Variants in RIT1 observed in about 807,000 individuals in gnomAD.
RIT1 encodes the protein Ras like without CAAX 1.
In RIT1, 6 loss-of-function variants were observed where a neutral mutation model predicts 25.6. That is an observed-to-expected ratio of 0.23 (90% confidence interval 0.13 to 0.46). The LOEUF is 0.46. Ranked by LOEUF, RIT1 falls within the 20% of genes least tolerant of loss-of-function variation. The probability of loss-of-function intolerance (pLI) is 0.99; values close to 1 mark genes in which losing one functional copy is unlikely to be tolerated. For missense variants in RIT1, 219 were observed against 284.4 expected (o/e 0.77, Z 1.65); for synonymous variants, 81 against 94.1 (o/e 0.86, Z 0.80).
intron 3 of RIT1, among the ~76,000 whole-genome samples, chr1:155,908,351 A>T (rs1379519776): frequency 1.3e-4 from 19 of 151,228 alleles, no homozygotes; most frequent in East Asian, 1.0e-3. Flanking sequence ...GCTACTCAGG[A>T]GGCTGAGGCA....
intron 5 of RIT1, among the ~76,000 whole-genome samples, chr1:155,902,159 C>T (rs190977688): frequency 9.2e-5 from 14 of 152,096 alleles, no homozygotes; most frequent in Non-Finnish European, 1.8e-4. Context: ...TGTAGATTCT[C>T]GTTCTATATC....
At chr1:155,906,228 A>G (rs775552431) in intron 3 of RIT1, among the ~76,000 whole-genome samples, 1 of 152,200 alleles carries the variant, frequency 6.6e-6, no homozygotes, top group Non-Finnish European at 1.5e-5. Context: ...GAAAATATAG[A>G]AAACTAAAAA....
At position 155,898,929 on chromosome 1, in the gene RIT1, T is replaced by C. The variant is rs1456556925; in HGVS notation, c.*1459A>G. 4.7e-6 allele frequency: 1 copy of C among 211,126 alleles called. No individual in the cohort carries two copies. The highest frequency in any genetic ancestry group is 9.6e-6 in the Non-Finnish European group (1 of 104,174). 13.1% of individuals were successfully genotyped at this position (211,126 alleles called of 1,614,324 possible). A position where few individuals can be genotyped will look rare whatever the true frequency, so the allele number is the denominator to read the frequency against. On this transcript the variant is annotated 3_prime_UTR_variant, in exon 6 of 6. Transcript: ENST00000368323. ...TCTGTCCTACTTCCTCTAATAAAAA[T>C]GGAAAATATTAAGATGAGCTGTGTG...
chr1:155,900,123 A>G lies in RIT1; in HGVS notation c.*265T>C, dbSNP rs1673281463. The G allele has an allele frequency of 4.6e-6, 2 of 433,164 alleles. No homozygotes were observed. The highest frequency in any genetic ancestry group is 8.1e-5 in the Admixed American group (2 of 24,624). The allele number at this position is 433,164 out of a possible 1,614,324, so 26.8% of individuals were successfully genotyped here. ...TTCTCCTGGGTATAAACAAATTTAC[A>G]TTAATTAATAGCGCAACAGAACCCA... On this transcript the variant is annotated 3_prime_UTR_variant, in exon 6 of 6. Transcript: ENST00000368323.
At chr1:155,910,963 A>T (rs371562683) in intron 1 of RIT1, 159 bp from the exon 2 acceptor site, 10 of 1,431,086 alleles carry the variant, frequency 7.0e-6, no homozygotes, top group Non-Finnish European at 8.4e-6. Context: ...GCCCTAAGAA[A>T]CCCCCCCATC....
chr1:155,899,587 T>C lies in RIT1; in HGVS notation c.*801A>G, dbSNP rs978797043. 1.8e-5 allele frequency: 4 copies of C among 225,990 alleles called. No individual in the cohort carries two copies. The Admixed American group carries it at 2.3e-4, about 13-fold the overall frequency. 14.0% of individuals were successfully genotyped at this position (225,990 alleles called of 1,614,324 possible). On this transcript the variant is annotated 3_prime_UTR_variant, in exon 6 of 6. Transcript: ENST00000368323. ...GCAATGGCTGATCCAACTATGAATT[T>C]TGATTAAACACGTTTAGTAATACAG...
At chr1:155,902,178 G>C (rs1673325053) in intron 5 of RIT1, among the ~76,000 whole-genome samples, 1 of 152,020 alleles carries the variant, frequency 6.6e-6, no homozygotes, top group South Asian at 2.1e-4. Flanking sequence ...TCTCATCACA[G>C]TGCCAGCCCT....
At chr1:155,902,735 G>A (rs1673337707) in intron 5 of RIT1, among the ~76,000 whole-genome samples, 2 of 151,482 alleles carry the variant, frequency 1.3e-5, no homozygotes, top group South Asian at 4.2e-4. Context: ...TAGCTACTCA[G>A]GAGGCTGAGG....
rs1173753277 is a variant in RIT1, at chr1:155,898,883, G to A, written c.*1505C>T. 5.0e-6 allele frequency: 1 copy of A among 199,728 alleles called. No individual in the cohort carries two copies. Among genetic ancestry groups the A allele is most frequent in the African/African-American group, 2.3e-5 (1 of 43,536 alleles). The allele number at this position is 199,728 out of a possible 1,614,324, so 12.4% of individuals were successfully genotyped here. ...TTTTAAAAAAGCTAGTTTATCATTT[G>A]TTTATAAAGAAAAACACAACTCTGT... On this transcript the variant is annotated 3_prime_UTR_variant, in exon 6 of 6. Coordinates refer to ENST00000368323, the MANE Select transcript of RIT1 (RefSeq NM_006912.6).
Position 155,902,285 on chromosome 1 carries a change from C to T in RIT1, c.430-1667G>A, listed in dbSNP as rs1673327116. ...GTATTTGTTACCAAAAGTGGTTCTACAAATGCTACTGAAAAAAATCTGGAA... is the reference window on the plus strand; with the variant it reads ...GTATTTGTTACCAAAAGTGGTTCTATAAATGCTACTGAAAAAAATCTGGAA... On this transcript the variant is annotated intron_variant, in intron 5 of 5. Coordinates refer to ENST00000368323, the MANE Select transcript of RIT1 (RefSeq NM_006912.6). Among the ~76,000 whole-genome samples, 12 of 148,010 alleles carry T rather than the reference C, an allele frequency of 8.1e-5. No homozygotes were observed. In the Admixed American group the frequency reaches 8.1e-4, roughly 10 times the overall value.
At position 155,904,737 on chromosome 1, in the gene RIT1, A is replaced by G. The variant is rs144170253; in HGVS notation, c.231T>C (p.Ala77=). 6 of 1,609,568 alleles carry G rather than the reference A, an allele frequency of 3.7e-6. No homozygotes were observed. The highest frequency in any genetic ancestry group is 1.6e-4 in the Middle Eastern group (1 of 6,080). Residue 77 remains alanine (A), a synonymous_variant, in exon 4 of 6, where the codon GCT becomes GCC. Coordinates refer to ENST00000368323, the MANE Select transcript of RIT1 (RefSeq NM_006912.6). ...EPANLDILDT[A]GQAEFTAMRD... is the part of the protein sequence containing the mutation. ...ACATTCTGGGATTTAATACCTGTCC[A>G]GCTGTATCCAAAATGTCCAGATTGG...
chr1:155,899,314 C>T lies in RIT1; in HGVS notation c.*1074G>A, dbSNP rs1673258480. On this transcript the variant is annotated 3_prime_UTR_variant, in exon 6 of 6. Coordinates refer to ENST00000368323, the MANE Select transcript of RIT1 (RefSeq NM_006912.6). Reference sequence around the variant, plus strand: ...GTGAATTTTAAAGCTTTAAGACTGACCCATTCAACAGAAATAGCAGATTTT... The same window carrying T: ...GTGAATTTTAAAGCTTTAAGACTGATCCATTCAACAGAAATAGCAGATTTT... The T allele has an allele frequency of 4.6e-6, 1 of 216,838 alleles. No individual in the cohort carries two copies. The allele number at this position is 216,838 out of a possible 1,614,324, so 13.4% of individuals were successfully genotyped here. A position where few individuals can be genotyped will look rare whatever the true frequency, so the allele number is the denominator to read the frequency against.
chr1:155,907,895 C>T (rs1673482763), intron 3 of RIT1, among the ~76,000 whole-genome samples: 6 of 151,052 alleles, frequency 4.0e-5, no homozygotes, highest in Admixed American at 4.0e-4. Flanking sequence ...TCGAGACCAT[C>T]CTGGCTAACA....
At chr1:155,904,179 GCCACCTCAC>G in intron 5 of RIT1, 123 bp downstream of exon 5, 1 of 677,928 alleles carries the variant, frequency 1.5e-6, no homozygotes, top group Non-Finnish European at 2.5e-6. Context: ...ACTGGTGTGA[GCCACCTCAC>G]CCAGCCTGAT....
Position 155,900,619 on chromosome 1 carries a change from C to T in RIT1, c.430-1G>A, listed in dbSNP as rs1395969419. ...AGGCCAATCCTTCTTCCTTGGTGAC[C>T]TTTAAGGGCAAAATGTGAGAAAAGA... On this transcript the variant is annotated splice_acceptor_variant, in intron 5 of 5. Transcript: ENST00000368323. LOFTEE classifies it high-confidence loss of function. 1 of 1,612,716 alleles carries T rather than the reference C, an allele frequency of 6.2e-7. No individual in the cohort carries two copies. Among genetic ancestry groups the T allele is most frequent in the Non-Finnish European group, 8.5e-7 (1 of 1,179,250 alleles).
In RIT1 at chr1:155,908,464, G is replaced by C. The variant is rs906469361; in HGVS notation, c.163+1986C>G. On this transcript the variant is annotated intron_variant, in intron 3 of 5. Coordinates refer to ENST00000368323, the MANE Select transcript of RIT1 (RefSeq NM_006912.6). ...AGTCAGACTCTGTCTCAAAAAAAAA[G>C]AAAGGAAAAGATGCTTTTGGAGTTC... Among the ~76,000 whole-genome samples the C allele has an allele frequency of 4.0e-5, 6 of 150,948 alleles. No individual in the cohort carries two copies. In the East Asian group the frequency reaches 9.8e-4, roughly 25 times the overall value.
chr1:155,906,108 C>T (rs1241968626), intron 3 of RIT1, among the ~76,000 whole-genome samples: 20 of 152,110 alleles, frequency 1.3e-4, no homozygotes, highest in Non-Finnish European at 2.8e-4. Context: ...GGATTACAGG[C>T]GTGAGCCACT....
intron 3 of RIT1, among the ~76,000 whole-genome samples, chr1:155,907,761 G>A (rs1332809483): frequency 1.3e-5 from 2 of 152,212 alleles, no homozygotes; most frequent in Admixed American, 1.3e-4. Context: ...AGATAATATT[G>A]CCAGGAGAGT....
In RIT1 at chr1:155,900,226, C is replaced by G; in HGVS notation, c.*162G>C. The G allele has an allele frequency of 4.9e-6, 3 of 611,204 alleles. No individual in the cohort carries two copies. 37.9% of individuals were successfully genotyped at this position (611,204 alleles called of 1,614,324 possible). A position where few individuals can be genotyped will look rare whatever the true frequency, so the allele number is the denominator to read the frequency against. ...CACTGGGTTAATAAATCATACTTAA[C>G]TAAGAGACAATACTTTAAATACCAC... is the stretch of plus-strand genomic sequence containing the variant. On this transcript the variant is annotated 3_prime_UTR_variant, in exon 6 of 6. Coordinates refer to ENST00000368323, the MANE Select transcript of RIT1 (RefSeq NM_006912.6).
Sources: gnomAD v4.1 joint callset for allele counts (sites outside exome capture counted in the v4.1 genomes callset) on GRCh38, gnomAD v4.1.1 for gene constraint, MANE v1.5 for transcripts, NCBI Gene and HGNC (gene_info 2026-07-23, HGNC 2026-07-21) for gene names.